GRM5: variants seen among roughly 807,000 people sequenced by gnomAD.
GRM5 encodes glutamate metabotropic receptor 5.
In GRM5, 19 loss-of-function variants were observed where a neutral mutation model predicts 83.1. The observed-to-expected ratio is 0.23, with a 90% confidence interval of 0.16 to 0.34. The LOEUF (loss-of-function observed/expected upper bound fraction) is 0.34, where lower values mean the gene tolerates loss of function less well. Among genes scored for constraint, GRM5 ranks in the 10% least tolerant of loss-of-function variants. The pLI, the probability that GRM5 is intolerant of heterozygous loss-of-function variation, is 1.00. For missense variants in GRM5, 1,160 were observed against 1,588.3 expected (o/e 0.73, Z 4.58); for synonymous variants, 675 against 633.6 (o/e 1.07, Z -0.98).
intron 2 of GRM5, among the ~76,000 whole-genome samples, chr11:88,853,168 A>G (rs145445586): frequency 2.9e-4 from 44 of 152,278 alleles, no homozygotes; most frequent in African/African-American, 1.0e-3. Flanking sequence ...AAATGTAATC[A>G]TAGCCCAATG....
chr11:88,571,933 G>C (rs1943012070), intron 7 of GRM5, among the ~76,000 whole-genome samples: 1 of 152,096 alleles, frequency 6.6e-6, no homozygotes, highest in Admixed American at 6.6e-5. Flanking sequence ...CTAAGTAACT[G>C]TACTAGAGAA....
At chr11:88,886,915 A>T (rs1425999958) in intron 2 of GRM5, among the ~76,000 whole-genome samples, 3 of 152,160 alleles carry the variant, frequency 2.0e-5, no homozygotes, top group Non-Finnish European at 4.4e-5. Flanking sequence ...CGAGGAACAG[A>T]GGGTCACCCT....
At position 88,602,814 on chromosome 11, in the gene GRM5, CT is replaced by C. The variant is rs375368024; in HGVS notation, c.1394+1903del. ...AAAAAAGAATGGTAACATTACTTAC[CT>C]CATAGGATTAAAAAGTAGAACACTT... On this transcript the variant is annotated intron_variant, in intron 5 of 9. Transcript: ENST00000305447. Among the ~76,000 whole-genome samples, 175 of 152,224 alleles carry C rather than the reference CT, an allele frequency of 1.1e-3. 1 individual carries two copies. The Middle Eastern group carries it at 0.014, about 12-fold the overall frequency.
intron 2 of GRM5, among the ~76,000 whole-genome samples, chr11:89,035,318 A>G (rs1941358887): frequency 6.6e-6 from 1 of 151,814 alleles, no homozygotes; most frequent in African/African-American, 2.4e-5. Context: ...CTTAACTTTT[A>G]TATTTTTTCA....
At chr11:88,695,069 A>C (rs1447045042) in intron 3 of GRM5, among the ~76,000 whole-genome samples, 2 of 152,202 alleles carry the variant, frequency 1.3e-5, no homozygotes, top group South Asian at 2.1e-4. Flanking sequence ...GTCAAAAGCT[A>C]TGGAATAATT....
At chr11:89,037,942 A>C (rs1941432254) in intron 2 of GRM5, among the ~76,000 whole-genome samples, 1 of 152,170 alleles carries the variant, frequency 6.6e-6, no homozygotes, top group Admixed American at 6.5e-5. Flanking sequence ...ATTTATGGCT[A>C]TGTGTAACTA....
intron 4 of GRM5, among the ~76,000 whole-genome samples, chr11:88,626,801 A>G (rs1408049558): frequency 6.6e-6 from 1 of 152,168 alleles, no homozygotes; most frequent in East Asian, 1.9e-4. Context: ...GATACCAGTG[A>G]CTTGATAAAG....
chr11:88,693,719 G>T (rs1485808328), intron 3 of GRM5, among the ~76,000 whole-genome samples: 1 of 152,136 alleles, frequency 6.6e-6, no homozygotes, highest in Non-Finnish European at 1.5e-5. Flanking sequence ...AGGAAATAAG[G>T]TAAAGATGAG....
At chr11:88,939,833 T>C (rs969831716) in intron 2 of GRM5, among the ~76,000 whole-genome samples, 1 of 151,748 alleles carries the variant, frequency 6.6e-6, no homozygotes, top group Non-Finnish European at 1.5e-5. Flanking sequence ...GCTTCCTAGT[T>C]GAAAAAATAA....
intron 1 of GRM5, among the ~76,000 whole-genome samples, chr11:89,050,819 C>T (rs1027537099): frequency 1.5e-4 from 23 of 152,224 alleles, no homozygotes; most frequent in Non-Finnish European, 2.6e-4. Flanking sequence ...ATGGATGGAG[C>T]TGGAGGCCAT....
chr11:88,854,151 C>T (rs909622362), intron 2 of GRM5, among the ~76,000 whole-genome samples: 1 of 150,524 alleles, frequency 6.6e-6, no homozygotes, highest in Non-Finnish European at 1.5e-5. Context: ...CCATTTGCAA[C>T]ATCAGCATAT....
intron 9 of GRM5, among the ~76,000 whole-genome samples, chr11:88,511,127 GTTC>G (rs1391021348): frequency 1.3e-5 from 2 of 152,290 alleles, no homozygotes; most frequent in Non-Finnish European, 2.9e-5. Context: ...CAAGCATTCT[GTTC>G]TTCTGCTCCC....
intron 3 of GRM5, among the ~76,000 whole-genome samples, chr11:88,827,485 T>A (rs1466377851): frequency 6.6e-6 from 1 of 152,242 alleles, no homozygotes; most frequent in Non-Finnish European, 1.5e-5. Context: ...TTAGGACAAA[T>A]GAAGAGTCAG....
At chr11:88,881,477 A>C (rs634795) in intron 2 of GRM5, among the ~76,000 whole-genome samples, 6 of 147,956 alleles carry the variant, frequency 4.1e-5, no homozygotes, top group Non-Finnish European at 8.8e-5. Flanking sequence ...ATAAGATATC[A>C]AAAGAATCTG....
chr11:88,799,083 C>T (rs368047274), intron 3 of GRM5, among the ~76,000 whole-genome samples: 3 of 151,398 alleles, frequency 2.0e-5, no homozygotes, highest in Non-Finnish European at 4.4e-5. Context: ...TTTTATAATA[C>T]GCATAAAGAG....
In GRM5 at chr11:88,950,619, C is replaced by A. The variant is rs546776680; in HGVS notation, c.661+96593G>T. Among the ~76,000 whole-genome samples the A allele has an allele frequency of 2.0e-5, 3 of 151,982 alleles. No homozygotes were observed. In the East Asian group the frequency reaches 5.8e-4, roughly 29 times the overall value. On this transcript the variant is annotated intron_variant, in intron 2 of 9. Transcript: ENST00000305447. ...ATGTGACAATTCATTATTAGAATGG[C>A]AAAAAGAAGTGCAAGACTAAGAAAT...
At chr11:89,058,892 A>C (rs2135169022) in intron 1 of GRM5, among the ~76,000 whole-genome samples, 1 of 152,006 alleles carries the variant, frequency 6.6e-6, no homozygotes, top group South Asian at 2.1e-4. Flanking sequence ...TTATAAATTA[A>C]TTTACATGTT....
intron 2 of GRM5, among the ~76,000 whole-genome samples, chr11:88,874,409 G>A (rs764497102): frequency 3.3e-5 from 5 of 151,780 alleles, no homozygotes; most frequent in African/African-American, 4.8e-5. Context: ...CACTATAACC[G>A]TATCTCTTAT....
At chr11:88,843,797 G>A (rs1354274796) in intron 3 of GRM5, among the ~76,000 whole-genome samples, 1 of 152,202 alleles carries the variant, frequency 6.6e-6, no homozygotes, top group African/African-American at 2.4e-5. Context: ...CTGATGTGGA[G>A]AAAGTTTTCA....
Sources: allele counts gnomAD v4.1 joint callset (sites outside exome capture counted in the v4.1 genomes callset), GRCh38; gene constraint gnomAD v4.1.1; transcripts MANE v1.5; gene names NCBI Gene and HGNC (gene_info 2026-07-23, HGNC 2026-07-21).